ARID1B: variants seen among roughly 807,000 people sequenced by gnomAD.
The protein encoded by ARID1B is AT-rich interactive domain-containing protein 1B.
A neutral mutation model predicts 212.3 loss-of-function variants in ARID1B; 30 were observed. The ratio of observed to expected loss-of-function variants is 0.14; its 90% CI spans 0.11 to 0.19. ARID1B has a LOEUF of 0.19. Among genes scored for constraint, ARID1B ranks in the 10% least tolerant of loss-of-function variants. The pLI is 1.00. For synonymous variants in ARID1B, 1,402 were observed against 1,301.7 expected (o/e 1.08, Z -1.66); for missense variants, 2,891 against 3,204.0 (o/e 0.90, Z 2.36).
chr6:157,050,884 C>T (rs982729881), intron 4 of ARID1B, among the ~76,000 whole-genome samples: 1 of 152,172 alleles, frequency 6.6e-6, no homozygotes, highest in African/African-American at 2.4e-5. Context: ...TTCCCATTCA[C>T]ACATGTATGC....
chr6:156,860,770 G>A (rs1469959786), intron 2 of ARID1B, among the ~76,000 whole-genome samples: 3 of 152,176 alleles, frequency 2.0e-5, no homozygotes, highest in South Asian at 2.1e-4. Context: ...GAGGAACAGC[G>A]TTTTATACTT....
chr6:156,906,952 A>C (rs1789444610), intron 3 of ARID1B, among the ~76,000 whole-genome samples: 1 of 152,212 alleles, frequency 6.6e-6, no homozygotes, highest in Admixed American at 6.5e-5. Flanking sequence ...CAAATGTAAC[A>C]GACTTTGTAT....
intron 4 of ARID1B, among the ~76,000 whole-genome samples, chr6:157,076,545 G>A (rs1385400511): frequency 6.6e-6 from 1 of 151,616 alleles, no homozygotes; most frequent in South Asian, 2.1e-4. Context: ...GAAGGCTCAT[G>A]CCTTTTTATT....
At chr6:157,097,699 G>A (rs948180836) in intron 5 of ARID1B, among the ~76,000 whole-genome samples, 11 of 152,236 alleles carry the variant, frequency 7.2e-5, no homozygotes, top group South Asian at 2.1e-4. Context: ...GTCTCTATCC[G>A]GCAGCACAGA....
At chr6:157,106,372 C>T (rs1786483726) in intron 5 of ARID1B, among the ~76,000 whole-genome samples, 1 of 152,226 alleles carries the variant, frequency 6.6e-6, no homozygotes, top group Non-Finnish European at 1.5e-5. Flanking sequence ...CCTGCATCCT[C>T]ATCTGGAGGC....
At chr6:157,114,338 C>A (rs913756678) in intron 6 of ARID1B, among the ~76,000 whole-genome samples, 3 of 151,890 alleles carry the variant, frequency 2.0e-5, no homozygotes, top group African/African-American at 7.2e-5. Context: ...GCCTTACCAA[C>A]ATGGTGAAAC....
At chr6:156,995,207 C>T (rs979537706) in intron 4 of ARID1B, among the ~76,000 whole-genome samples, 8 of 152,158 alleles carry the variant, frequency 5.3e-5, no homozygotes, top group African/African-American at 1.7e-4. Context: ...AGGTGACGTA[C>T]GAATGAGCCC....
chr6:157,153,043 AAT>A (rs1227795807), intron 8 of ARID1B, among the ~76,000 whole-genome samples: 2 of 152,222 alleles, frequency 1.3e-5, no homozygotes, highest in African/African-American at 4.8e-5. Context: ...GGATTGGGGC[AAT>A]TATGCTTCAG....
At chr6:156,889,606 T>G (rs897799014) in intron 2 of ARID1B, among the ~76,000 whole-genome samples, 1 of 152,210 alleles carries the variant, frequency 6.6e-6, no homozygotes, top group East Asian at 1.9e-4. Flanking sequence ...ATACAAAATG[T>G]GTACTAGAGA....
rs146572837 is a variant in ARID1B at position 157,162,757 on chromosome 6, G to A, written c.3090-4283G>A. 6.4e-3 allele frequency among the ~76,000 whole-genome samples: 978 copies of A among 152,314 alleles called. 11 individuals are homozygous for A. The highest frequency in any genetic ancestry group is 0.021 in the African/African-American group (889 of 41,564). On this transcript the variant is annotated intron_variant, in intron 8 of 19. Coordinates refer to ENST00000636930, the MANE Select transcript of ARID1B (RefSeq NM_001374828.1). Reference sequence around the variant, plus strand: ...GCTGTGGTCTAACCCTGGCCCAGGCGAGCGCAGTGTCGGCATCCTGGGGTC... The same window carrying A: ...GCTGTGGTCTAACCCTGGCCCAGGCAAGCGCAGTGTCGGCATCCTGGGGTC...
intron 1 of ARID1B, among the ~76,000 whole-genome samples, chr6:156,780,072 C>T (rs1301348202): frequency 6.6e-6 from 1 of 152,100 alleles, no homozygotes; most frequent in East Asian, 1.9e-4. Flanking sequence ...GGGCTTCGAG[C>T]TCGAACGTTT....
intron 7 of ARID1B, among the ~76,000 whole-genome samples, chr6:157,144,065 G>A (rs1583393115): frequency 6.6e-6 from 1 of 152,334 alleles, no homozygotes; most frequent in East Asian, 1.9e-4. Context: ...TGCCGAACTG[G>A]GCAAAGCTAT....
At chr6:156,909,284 C>T (rs1455291306) in intron 3 of ARID1B, among the ~76,000 whole-genome samples, 1 of 151,890 alleles carries the variant, frequency 6.6e-6, no homozygotes, top group African/African-American at 2.4e-5. Flanking sequence ...CACCTCCACA[C>T]CTGGCTAATT....
intron 5 of ARID1B, among the ~76,000 whole-genome samples, chr6:157,097,541 A>T (rs1785730695): frequency 6.6e-6 from 1 of 152,224 alleles, no homozygotes; most frequent in Non-Finnish European, 1.5e-5. Flanking sequence ...GAGCATCCGC[A>T]TGTGGCACTT....
At chr6:157,077,198 T>A (rs964768072) in intron 4 of ARID1B, among the ~76,000 whole-genome samples, 7 of 152,208 alleles carry the variant, frequency 4.6e-5, no homozygotes, top group Non-Finnish European at 8.8e-5. Flanking sequence ...TTCTATATAA[T>A]GCTAAAAATA....
intron 13 of ARID1B, 43 bp downstream of exon 13, chr6:157,184,478 C>T (rs367611855): frequency 7.5e-6 from 12 of 1,610,298 alleles, no homozygotes; most frequent in African/African-American, 4.0e-5. Flanking sequence ...AAAGCCCAGG[C>T]GCCTGGCCTG....
At chr6:157,159,607 G>A (rs1381076598) in intron 8 of ARID1B, among the ~76,000 whole-genome samples, 4 of 152,196 alleles carry the variant, frequency 2.6e-5, no homozygotes, top group Non-Finnish European at 4.4e-5. Context: ...AGGGAAAAAC[G>A]TTTCTGATGT....
chr6:156,825,692 G>A (rs1267009550), intron 1 of ARID1B, among the ~76,000 whole-genome samples: 1 of 152,170 alleles, frequency 6.6e-6, no homozygotes, highest in Non-Finnish European at 1.5e-5. Context: ...CCTGTGCCCT[G>A]GGCTGTCTAG....
At chr6:156,829,554 C>A in intron 2 of ARID1B, 133 bp downstream of exon 2, 1 of 1,044,412 alleles carries the variant, frequency 9.6e-7, no homozygotes, top group Non-Finnish European at 1.3e-6. Context: ...TTTATTGTTT[C>A]TTTAATCACA....
Sources: allele counts gnomAD v4.1 joint callset (sites outside exome capture counted in the v4.1 genomes callset), GRCh38; gene constraint gnomAD v4.1.1; transcripts MANE v1.5; gene names NCBI Gene and HGNC (gene_info 2026-07-23, HGNC 2026-07-21).